Variants in DPP6 observed in about 807,000 individuals in gnomAD.
DPP6 encodes dipeptidyl peptidase like 6.
Under a neutral mutation model 122.6 loss-of-function variants are expected in DPP6, and 69 were observed. That is an observed-to-expected ratio of 0.56 (90% CI 0.46 to 0.69). The LOEUF is 0.69. DPP6 is among the 30% of genes least tolerant of loss of function. The pLI is 0.00. For synonymous variants in DPP6, 418 were observed against 433.1 expected, an observed-to-expected ratio of 0.97 and a Z score of 0.43; for missense variants, 928 against 1,116.9, an observed-to-expected ratio of 0.83 and a Z score of 2.41.
At chr7:154,410,807 C>A (rs778091366) in intron 1 of DPP6, among the ~76,000 whole-genome samples, 1 of 152,116 alleles carries the variant, frequency 6.6e-6, no homozygotes, top group Non-Finnish European at 1.5e-5. Context: ...TCCCTTAGAG[C>A]TTGATTGATT....
chr7:154,307,525 GAGATA>G (rs374107237), intron 1 of DPP6, among the ~76,000 whole-genome samples: 24 of 151,972 alleles, frequency 1.6e-4, no homozygotes, highest in African/African-American at 4.8e-4. Context: ...GGGAACAGCA[GAGATA>G]AGATAAGCCA....
intron 1 of DPP6, among the ~76,000 whole-genome samples, chr7:154,254,618 A>T (rs1186865426): frequency 6.6e-6 from 1 of 152,116 alleles, no homozygotes; most frequent in Non-Finnish European, 1.5e-5. Flanking sequence ...TTGGTTCTTA[A>T]TGTAATGAGT....
chr7:154,511,503 G>A (rs556758430), intron 3 of DPP6, among the ~76,000 whole-genome samples: 35 of 152,268 alleles, frequency 2.3e-4, no homozygotes, highest in African/African-American at 6.0e-4. Flanking sequence ...TTCCTAAGGC[G>A]TACTAGTTGA....
chr7:154,458,604 GT>G (rs1430093557), intron 2 of DPP6, among the ~76,000 whole-genome samples: 4 of 152,190 alleles, frequency 2.6e-5, no homozygotes, highest in African/African-American at 9.7e-5. Context: ...CTCTTCTGTT[GT>G]TTGAAGCCAT....
chr7:153,780,763 A>T, the DPP6 span, among the ~76,000 whole-genome samples: 1 of 152,142 alleles, frequency 6.6e-6, no homozygotes, highest in African/African-American at 2.4e-5. Flanking sequence ...GTTAGTCCAG[A>T]AGGAAATGTT....
chr7:154,326,246 G>A (rs1808435634), intron 1 of DPP6, among the ~76,000 whole-genome samples: 1 of 152,054 alleles, frequency 6.6e-6, no homozygotes, highest in South Asian at 2.1e-4. Flanking sequence ...AAGGTCTGTG[G>A]CATACAAGCC....
chr7:154,265,919 T>C (rs900173219), intron 1 of DPP6, among the ~76,000 whole-genome samples: 1 of 152,164 alleles, frequency 6.6e-6, no homozygotes, highest in Non-Finnish European at 1.5e-5. Context: ...AAGACAATTA[T>C]CTAAAAATGC....
chr7:153,943,433 C>T (rs1271252158), intron 1 of DPP6, among the ~76,000 whole-genome samples: 1 of 152,130 alleles, frequency 6.6e-6, no homozygotes, highest in Non-Finnish European at 1.5e-5. Context: ...ACTTCCAGTC[C>T]AAATTCCATC....
At chr7:154,531,409 T>A (rs1827827896) in intron 3 of DPP6, among the ~76,000 whole-genome samples, 2 of 152,068 alleles carry the variant, frequency 1.3e-5, no homozygotes, top group African/African-American at 4.8e-5. Context: ...CAAAAAACCC[T>A]ATAAACTGGA....
At chr7:154,859,369 C>T (rs1803128528) in intron 17 of DPP6, among the ~76,000 whole-genome samples, 2 of 152,256 alleles carry the variant, frequency 1.3e-5, no homozygotes, top group Non-Finnish European at 2.9e-5. Context: ...CTGTGTGACG[C>T]CATGACTGGC....
intron 1 of DPP6, among the ~76,000 whole-genome samples, chr7:154,184,643 A>G (rs1021694794): frequency 3.3e-5 from 5 of 152,004 alleles, no homozygotes; most frequent in Admixed American, 6.6e-5. Context: ...AAAGGATACA[A>G]ATCAACTTAC....
At chr7:154,689,241 C>T (rs13228858) in intron 7 of DPP6, among the ~76,000 whole-genome samples, 8,126 of 152,204 alleles carry the variant, frequency 0.053, 296 homozygotes, top group African/African-American at 0.1. Context: ...TTGGGAATGA[C>T]CTTGGTCAGT....
At chr7:154,859,494 C>T (rs1006275690) in intron 17 of DPP6, among the ~76,000 whole-genome samples, 1 of 152,242 alleles carries the variant, frequency 6.6e-6, no homozygotes, top group Non-Finnish European at 1.5e-5. Context: ...CCTCTCCCAG[C>T]CCTGCTGTGA....
intron 1 of DPP6, among the ~76,000 whole-genome samples, chr7:154,408,673 T>TC (rs1260075110): frequency 1.3e-5 from 2 of 152,196 alleles, no homozygotes; most frequent in Non-Finnish European, 2.9e-5. Flanking sequence ...ATATTTTCTC[T>TC]CTGTTCCAGA....
intron 20 of DPP6, among the ~76,000 whole-genome samples, chr7:154,879,446 CGGGCG>C (rs1563316391): frequency 1.5e-5 from 2 of 135,036 alleles, no homozygotes; most frequent in Non-Finnish European, 3.0e-5. Context: ...AAAAATTAGC[CGGGCG>C]AGGTGGCGGG....
intron 3 of DPP6, among the ~76,000 whole-genome samples, chr7:154,514,520 A>G (rs184763926): frequency 1.3e-4 from 20 of 152,040 alleles, no homozygotes; most frequent in Admixed American, 6.6e-4. Flanking sequence ...TCCAAACTGA[A>G]ACTCTGTCCC....
intron 1 of DPP6, among the ~76,000 whole-genome samples, chr7:154,385,968 TC>T (rs1404480830): frequency 6.6e-6 from 1 of 152,114 alleles, no homozygotes; most frequent in Non-Finnish European, 1.5e-5. Flanking sequence ...GTTGATTTTT[TC>T]CCCTGCTGGT....
intron 21 of DPP6, chr7:154,885,327 G>A (rs1584987759): frequency 3.4e-6 from 1 of 296,970 alleles, no homozygotes. Flanking sequence ...GAGCCTGAAG[G>A]ACAGCACCTT....
chr7:154,785,388 T>G (rs2150410713), intron 10 of DPP6, among the ~76,000 whole-genome samples: 1 of 152,348 alleles, frequency 6.6e-6, no homozygotes, highest in East Asian at 1.9e-4. Context: ...AATTTTAGTC[T>G]TATTTATTGT....
Sources: gnomAD v4.1 joint callset for allele counts (sites outside exome capture counted in the v4.1 genomes callset) on GRCh38, gnomAD v4.1.1 for gene constraint, MANE v1.5 for transcripts, NCBI Gene and HGNC (gene_info 2026-07-23, HGNC 2026-07-21) for gene names.